POR: variants seen among roughly 807,000 people sequenced by gnomAD.
POR encodes the protein cytochrome p450 oxidoreductase.
A neutral mutation model predicts 84.0 loss-of-function variants in POR; 56 were observed. That is an observed-to-expected ratio of 0.67 (90% confidence interval 0.54 to 0.83). The LOEUF is 0.83. POR is among the 40% of genes least tolerant of loss of function. The pLI, the probability that POR is intolerant of heterozygous loss-of-function variation, is 0.00. For synonymous variants in POR, 414 were observed against 400.5 expected (o/e 1.03, Z -0.40); for missense variants, 938 against 944.3 (o/e 0.99, Z 0.09).
At chr7:75,982,454 GTGTCCACGACC>G in intron 8 of POR, 132 bp downstream of exon 8, 1 of 748,084 alleles carries the variant, frequency 1.3e-6, no homozygotes, top group Non-Finnish European at 2.2e-6. Context: ...GTGGGTGTGA[GTGTCCACGACC>G]TGTCCACGGC....
At position 75,982,308 on chromosome 7, in the gene POR, C is replaced by T. The variant is rs782333942; in HGVS notation, c.816C>T (p.Tyr272=). 3.8e-5 allele frequency: 61 copies of T among 1,611,580 alleles called. No homozygotes were observed. Among genetic ancestry groups the T allele is most frequent in the East Asian group, 6.7e-5 (3 of 44,782 alleles). ...GGGAGATGGGCCGGCTGAAGAGCTA[C>T]GAGAACCAGAAGCCGTGAGTGGAGG... Residue 272 remains tyrosine (Y), a synonymous_variant, in exon 8 of 16, where the codon TAC becomes TAT. Coordinates refer to ENST00000461988, the MANE Select transcript of POR (RefSeq NM_000941.3).
At chr7:75,979,888 T>C in intron 4 of POR, 3 of 378,542 alleles carry the variant, frequency 7.9e-6, no homozygotes, top group South Asian at 6.0e-5. Context: ...GCTGCTCCAC[T>C]CCCCTCTCCT....
chr7:75,955,613 AAGGGGCAGGTCTC>A (rs1176037212), intron 2 of POR, among the ~76,000 whole-genome samples: 18 of 152,180 alleles, frequency 1.2e-4, no homozygotes, highest in African/African-American at 3.9e-4. Context: ...TGGATTTGGC[AAGGGGCAGGTCTC>A]AGGGGCAGGA....
intron 1 of POR, among the ~76,000 whole-genome samples, chr7:75,939,627 C>G (rs986465596): frequency 2.1e-5 from 3 of 146,172 alleles, no homozygotes; most frequent in Non-Finnish European, 4.5e-5. Context: ...TTTTTCGAGA[C>G]AGAGTCTCAT....
intron 1 of POR, among the ~76,000 whole-genome samples, chr7:75,937,762 A>C (rs1397722127): frequency 6.6e-6 from 1 of 152,176 alleles, no homozygotes; most frequent in Non-Finnish European, 1.5e-5. Flanking sequence ...AGCCTGGGCG[A>C]CAAGAGCAAA....
chr7:75,929,881 T>C lies in POR; in HGVS notation c.-5+14702T>C, dbSNP rs137902534. On this transcript the variant is annotated intron_variant, in intron 1 of 15. Transcript: ENST00000461988. ...CTGAATGGCACAGCCCACTACTAGC[T>C]GAATGTGGGGTGACAGTAGCCAGCA... Among the ~76,000 whole-genome samples, 1,011 of 152,216 alleles carry C rather than the reference T, an allele frequency of 6.6e-3. 14 individuals are homozygous for C. Among genetic ancestry groups the C allele is most frequent in the Middle Eastern group, 0.027 (8 of 294 alleles).
At chr7:75,952,438 A>G (rs1787480971) in intron 1 of POR, among the ~76,000 whole-genome samples, 1 of 134,912 alleles carries the variant, frequency 7.4e-6, no homozygotes, top group South Asian at 2.5e-4. Flanking sequence ...TCCCTCCCGG[A>G]CGGAGCGGCT....
intron 8 of POR, 32 bp downstream of exon 8, chr7:75,982,354 G>A (rs782783688): frequency 2.1e-5 from 32 of 1,541,152 alleles, no homozygotes; most frequent in Non-Finnish European, 2.4e-5. Context: ...TGGGGCAGAC[G>A]GCTCTATGGC....
chr7:75,941,659 C>G (rs1252933794), intron 1 of POR, among the ~76,000 whole-genome samples: 2 of 152,042 alleles, frequency 1.3e-5, no homozygotes, highest in African/African-American at 2.4e-5. Flanking sequence ...TGAGAGGCAA[C>G]AAGTTTCCAT....
At chr7:75,963,530 G>A (rs782408455) in intron 2 of POR, among the ~76,000 whole-genome samples, 6 of 152,344 alleles carry the variant, frequency 3.9e-5, no homozygotes, top group East Asian at 1.9e-4. Flanking sequence ...CGTGCAGAGC[G>A]CATGTTGTCT....
At chr7:75,941,387 C>A (rs2116338671) in intron 1 of POR, among the ~76,000 whole-genome samples, 1 of 152,268 alleles carries the variant, frequency 6.6e-6, no homozygotes, top group Admixed American at 6.5e-5. Context: ...AATTTTAGAG[C>A]TGAGGATGAT....
intron 4 of POR, among the ~76,000 whole-genome samples, chr7:75,980,113 A>G (rs1554557453): frequency 6.6e-6 from 1 of 151,994 alleles, no homozygotes; most frequent in East Asian, 1.9e-4. Flanking sequence ...CTAGAAACAC[A>G]TCCTCTCCGC....
At chr7:75,972,275 C>T (rs552480528) in intron 2 of POR, 138 bp from the exon 3 acceptor site, 7 of 772,652 alleles carry the variant, frequency 9.1e-6, no homozygotes, top group African/African-American at 6.9e-5. Flanking sequence ...GGGAGTGGCA[C>T]GGGACAAAGC....
chr7:75,961,069 C>T (rs187943890), intron 2 of POR, among the ~76,000 whole-genome samples: 69 of 152,054 alleles, frequency 4.5e-4, no homozygotes, highest in African/African-American at 1.7e-3. Flanking sequence ...CCTGTCTCTA[C>T]AAAAAGTACA....
rs1789495393 is a variant in POR at position 75,986,657 on chromosome 7, A to G, written c.*176A>G. 1.3e-6 allele frequency: 1 copy of G among 786,570 alleles called. No homozygotes were observed. The highest frequency in any genetic ancestry group is 1.7e-5 in the African/African-American group (1 of 57,406). 48.7% of individuals were successfully genotyped at this position (786,570 alleles called of 1,614,324 possible). A position where few individuals can be genotyped will look rare whatever the true frequency, so the allele number is the denominator to read the frequency against. On this transcript the variant is annotated 3_prime_UTR_variant, in exon 16 of 16. Transcript: ENST00000461988. ...TCAGCCCCCAGGCCAGGTGAGGTCC[A>G]CCGGCCCCTGGCAGCACAGCCCAGG...
At chr7:75,963,734 C>T (rs550340342) in intron 2 of POR, among the ~76,000 whole-genome samples, 5 of 152,172 alleles carry the variant, frequency 3.3e-5, no homozygotes, top group South Asian at 2.1e-4. Flanking sequence ...GGTGAGGACA[C>T]GCGGGGCTGT....
At chr7:75,920,695 C>T (rs1203149142) in intron 1 of POR, among the ~76,000 whole-genome samples, 2 of 152,082 alleles carry the variant, frequency 1.3e-5, no homozygotes, top group Non-Finnish European at 2.9e-5. Flanking sequence ...CATGCATCAT[C>T]AGTGCATTGG....
chr7:75,944,642 T>A (rs1412561543), intron 1 of POR, among the ~76,000 whole-genome samples: 1 of 151,762 alleles, frequency 6.6e-6, no homozygotes, highest in Non-Finnish European at 1.5e-5. Flanking sequence ...TCAACTTGAA[T>A]GAGAAAAGAG....
At position 75,986,210 on chromosome 7, in the gene POR, A is replaced by T; in HGVS notation, c.1867A>T (p.Ile623Phe). 1 of 1,612,562 alleles carries T rather than the reference A, an allele frequency of 6.2e-7. No individual in the cohort carries two copies. Among genetic ancestry groups the T allele is most frequent in the Non-Finnish European group, 8.5e-7 (1 of 1,179,778 alleles). ...AGACCGAGAGCACCTGTGGAAGTTGATCGAAGGCGGTGCCCACATCTACGT... is the reference window on the plus strand; with the variant it reads ...AGACCGAGAGCACCTGTGGAAGTTGTTCGAAGGCGGTGCCCACATCTACGT... The change falls in exon 15 of 16, where the codon ATC (isoleucine) becomes TTC (phenylalanine). Residue 623 changes from isoleucine to phenylalanine, a missense_variant. Ile to Phe is a conservative substitution (Grantham distance 21). Transcript: ENST00000461988.
Sources: gnomAD v4.1 joint callset for allele counts (sites outside exome capture counted in the v4.1 genomes callset) on GRCh38, gnomAD v4.1.1 for gene constraint, MANE v1.5 for transcripts, NCBI Gene and HGNC (gene_info 2026-07-23, HGNC 2026-07-21) for gene names.